The following DMD variants were observed in gnomAD, a reference collection of about 807,000 sequenced individuals.
DMD encodes mutant dystrophin.
DMD carries 63 observed loss-of-function variants against 330.1 expected under a neutral mutation model. That is an observed-to-expected ratio of 0.19 (90% CI 0.16 to 0.24). The LOEUF is 0.24. Among genes scored for constraint, DMD ranks in the 10% least tolerant of loss-of-function variants. The pLI is 1.00. For missense variants in DMD, 3,344 were observed against 2,684.1 expected (o/e 1.25, Z -5.43); for synonymous variants, 1,223 against 959.8 (o/e 1.27, Z -5.07).
chrX:31,549,064 G>C (rs1290232274), intron 55 of DMD, among the ~76,000 whole-genome samples: 1 of 111,213 alleles, frequency 9.0e-6, no homozygotes, highest in Admixed American at 9.6e-5. Context: ...TATCATGAAG[G>C]CCCATAAAAA....
At chrX:32,490,720 A>G (rs751282098) in intron 20 of DMD, among the ~76,000 whole-genome samples, 2 of 111,282 alleles carry the variant, frequency 1.8e-5, no homozygotes, top group Non-Finnish European at 3.8e-5. Context: ...AGGGGTAAGA[A>G]CTCTGATGCT....
At chrX:31,284,608 T>TTCTTCTTCTTC (rs1331247957) in intron 62 of DMD, among the ~76,000 whole-genome samples, 19 of 28,035 alleles carry the variant, frequency 6.8e-4, no homozygotes, top group African/African-American at 1.2e-3. Flanking sequence ...TCTTCTTCTT[T>TTCTTCTTCTTC]TTTTTGGCAG....
At chrX:32,025,890 G>A (rs1293919) in intron 44 of DMD, among the ~76,000 whole-genome samples, 3,996 of 111,862 alleles carry the variant, frequency 0.036, 70 homozygotes, top group Non-Finnish European at 0.057. Flanking sequence ...AAGTGAGAAA[G>A]TGAATAGAAA....
chrX:31,521,995 T>G (rs183099978), intron 55 of DMD, among the ~76,000 whole-genome samples: 1 of 110,917 alleles, frequency 9.0e-6, no homozygotes, highest in Non-Finnish European at 1.9e-5. Flanking sequence ...CCCATAGCCT[T>G]CTGAAAAAGT....
intron 54 of DMD, among the ~76,000 whole-genome samples, chrX:31,655,938 A>C (rs1217005124): frequency 3.6e-5 from 4 of 112,347 alleles, no homozygotes; most frequent in Admixed American, 2.8e-4. Context: ...GGAAGAAGGC[A>C]AAGATGAGTT....
At chrX:31,274,117 AGTAAACTGCTCTTCT>A (rs1319122618) in intron 62 of DMD, among the ~76,000 whole-genome samples, 2 of 112,133 alleles carry the variant, frequency 1.8e-5, no homozygotes, top group African/African-American at 6.5e-5. Flanking sequence ...GTCTGAGTTT[AGTAAACTGCTCTTCT>A]GTAAACTGCT....
At chrX:31,754,638 T>C (rs1039137466) in intron 51 of DMD, among the ~76,000 whole-genome samples, 1 of 111,888 alleles carries the variant, frequency 8.9e-6, no homozygotes, top group Admixed American at 9.5e-5. Flanking sequence ...ATGATTTTCA[T>C]GAGAAGTAAA....
chrX:33,057,901 CA>C (rs1457729455), intron 1 of DMD, among the ~76,000 whole-genome samples: 1 of 111,746 alleles, frequency 8.9e-6, no homozygotes, highest in African/African-American at 3.3e-5. Context: ...GTTTTTGAGA[CA>C]AAGTCTCGCT....
At chrX:31,321,583 C>CAAAAAAAAAAAAAAAAAAAAAAAAAAA (rs1190446358) in intron 62 of DMD, among the ~76,000 whole-genome samples, 1 of 10,472 alleles carries the variant, frequency 9.5e-5, no homozygotes, top group African/African-American at 5.0e-4. Context: ...AACTCCATCT[C>CAAAAAAAAAAAAAAAAAAAAAAAAAAA]AAAAAAAAAA....
chrX:31,493,952 G>T (rs1426172523), intron 57 of DMD, among the ~76,000 whole-genome samples: 1 of 110,835 alleles, frequency 9.0e-6, no homozygotes, highest in Non-Finnish European at 1.9e-5. Flanking sequence ...GAGGTCAAGA[G>T]ATCGAGACCA....
intron 50 of DMD, among the ~76,000 whole-genome samples, chrX:31,782,851 A>G (rs2091089303): frequency 8.9e-6 from 1 of 111,893 alleles, no homozygotes; most frequent in Non-Finnish European, 1.9e-5. Flanking sequence ...TCACATAGTC[A>G]CTCTATGAGG....
In DMD at chrX:31,120,888, C is replaced by CAAT. The variant is rs869119308; in HGVS notation, c.*1030_*1031insATT. On this transcript the variant is annotated 3_prime_UTR_variant, in exon 79 of 79. Coordinates refer to ENST00000357033, the MANE Select transcript of DMD (RefSeq NM_004006.3). Reference sequence around the variant, plus strand: ...ATGTATCAATCAATCAATCAATCAACCAACCAACCGATTACTCACTCTGAT... The same window carrying CAAT: ...ATGTATCAATCAATCAATCAATCAACAATCAACCAACCGATTACTCACTCTGAT... 2.1e-5 allele frequency: 2 copies of CAAT among 93,326 alleles called. No individual in the cohort carries two copies. The highest frequency in any genetic ancestry group is 5.1e-5 in the African/African-American group (1 of 19,725). 7.7% of individuals were successfully genotyped at this position (93,326 alleles called of 1,213,427 possible).
intron 9 of DMD, among the ~76,000 whole-genome samples, chrX:32,656,158 G>C (rs2060554465): frequency 8.9e-6 from 1 of 111,905 alleles, no homozygotes; most frequent in African/African-American, 3.2e-5. Flanking sequence ...ATGTAACCAA[G>C]TATTGGCCAG....
chrX:32,710,670 A>C (rs891606141), intron 7 of DMD, among the ~76,000 whole-genome samples: 6 of 111,106 alleles, frequency 5.4e-5, no homozygotes, highest in Non-Finnish European at 9.4e-5. Flanking sequence ...ATTGACTGAT[A>C]TCTACAGAAA....
chrX:31,901,434 T>G (rs1164026744), intron 47 of DMD, among the ~76,000 whole-genome samples: 2 of 111,766 alleles, frequency 1.8e-5, no homozygotes, highest in African/African-American at 6.5e-5. Context: ...AGGGCCTTCT[T>G]TTGTGGTCCA....
At chrX:33,059,273 C>G (rs1344661976) in intron 1 of DMD, among the ~76,000 whole-genome samples, 1 of 111,408 alleles carries the variant, frequency 9.0e-6, no homozygotes, top group Non-Finnish European at 1.9e-5. Flanking sequence ...TTGGCAGAGA[C>G]TATGTCTCGT....
chrX:33,314,039 T>G (rs193200709), intron 1 of DMD, among the ~76,000 whole-genome samples: 74 of 109,180 alleles, frequency 6.8e-4, no homozygotes, highest in African/African-American at 2.4e-3. Flanking sequence ...TGCAACTGAG[T>G]GTGTGTTTGT....
chrX:32,860,842 TA>T (rs2082024492), intron 2 of DMD, among the ~76,000 whole-genome samples: 1 of 111,641 alleles, frequency 9.0e-6, no homozygotes, highest in African/African-American at 3.3e-5. Flanking sequence ...CATCATAGGT[TA>T]GTTTTCTCTT....
chrX:32,891,856 C>A (rs1261139859), intron 2 of DMD, among the ~76,000 whole-genome samples: 1 of 111,478 alleles, frequency 9.0e-6, no homozygotes, highest in Non-Finnish European at 1.9e-5. Context: ...ATTTGAGGTT[C>A]CTCAAATCAT....
Sources: allele counts gnomAD v4.1 joint callset (sites outside exome capture counted in the v4.1 genomes callset), GRCh38; gene constraint gnomAD v4.1.1; transcripts MANE v1.5; gene names NCBI Gene and HGNC (gene_info 2026-07-23, HGNC 2026-07-21).